CCDC141: variants seen among roughly 807,000 people sequenced by gnomAD.
CCDC141 encodes coiled-coil domain-containing protein 141.
A neutral mutation model predicts 181.0 loss-of-function variants in CCDC141; 168 were observed. That is an observed-to-expected ratio of 0.93 (90% CI 0.82 to 1.05). CCDC141 has a LOEUF of 1.05. Among genes scored for constraint, CCDC141 ranks in the 50% least tolerant of loss-of-function variants. The probability of loss-of-function intolerance (pLI) is 0.00; values close to 1 mark genes in which losing one functional copy is unlikely to be tolerated. For synonymous variants in CCDC141, 666 were observed against 642.3 expected, an observed-to-expected ratio of 1.04 and a Z score of -0.56; for missense variants, 1,902 against 1,788.5, an observed-to-expected ratio of 1.06 and a Z score of -1.14.
intron 5 of CCDC141, among the ~76,000 whole-genome samples, chr2:178,949,447 G>A (rs1283899489): frequency 6.6e-6 from 1 of 152,126 alleles, no homozygotes; most frequent in African/African-American, 2.4e-5. Flanking sequence ...AATTCTTGTA[G>A]GTAGGGACAG....
At chr2:178,958,037 C>A (rs777391479) in intron 5 of CCDC141, among the ~76,000 whole-genome samples, 2 of 152,140 alleles carry the variant, frequency 1.3e-5, no homozygotes, top group Non-Finnish European at 2.9e-5. Flanking sequence ...ATGAAAAACG[C>A]CAATCTGAAA....
intron 9 of CCDC141, among the ~76,000 whole-genome samples, chr2:178,887,557 C>T (rs1338594840): frequency 6.6e-6 from 1 of 152,194 alleles, no homozygotes; most frequent in Non-Finnish European, 1.5e-5. Context: ...AGCTGAGGTC[C>T]TACTGTTCCA....
rs137889822 is a variant in CCDC141 at position 178,976,939 on chromosome 2, T to C, written c.417+1545A>G. ...AATAAATAAACCAATAAGCAAACAA[T>C]GCTTTACTCAGAAAAAGTTTTCCTA... On this transcript the variant is annotated intron_variant, in intron 3 of 23. Transcript: ENST00000443758. Among the ~76,000 whole-genome samples, 26 of 152,276 alleles carry C rather than the reference T, an allele frequency of 1.7e-4. 1 individual carries two copies. The highest frequency in any genetic ancestry group is 6.3e-4 in the African/African-American group (26 of 41,580).
chr2:178,980,305 C>A (rs769138849), intron 2 of CCDC141, among the ~76,000 whole-genome samples: 2 of 152,076 alleles, frequency 1.3e-5, no homozygotes, highest in Non-Finnish European at 2.9e-5. Flanking sequence ...AAAAAATTAG[C>A]TGGGCCTGGT....
At chr2:179,029,644 T>G (rs1482352943) in intron 2 of CCDC141, among the ~76,000 whole-genome samples, 1 of 152,184 alleles carries the variant, frequency 6.6e-6, no homozygotes, top group East Asian at 1.9e-4. Context: ...ATCATGAACA[T>G]TCTAGGAATT....
chr2:178,886,868 C>A lies in CCDC141; in HGVS notation c.1411G>T (p.Glu471Ter). 1 of 1,418,884 alleles carries A rather than the reference C, an allele frequency of 7.0e-7. No individual in the cohort carries two copies. The highest frequency in any genetic ancestry group is 9.2e-7 in the Non-Finnish European group (1 of 1,087,350). The allele number at this position is 1,418,884 out of a possible 1,614,324, so 87.9% of individuals were successfully genotyped here. The stretch of plus-strand genomic sequence containing the variant: ...GGACTGATTTTCTGAATTGACATTT[C>A]CACCTTTAGGAGTGAATAATATATG... ...ASVEGYLRKV[E>*]MSIQKISPVL... The change falls in exon 10 of 24, where the codon GAA (glutamate) becomes TAA (stop). Residue 471 changes from glutamate to a stop codon, truncating the protein, a stop_gained. Transcript: ENST00000443758. LOFTEE classifies it high-confidence loss of function.
chr2:178,818,921 A>T, the CCDC141 span, among the ~76,000 whole-genome samples: 1 of 152,072 alleles, frequency 6.6e-6, no homozygotes, highest in Non-Finnish European at 1.5e-5. Context: ...TGTAAAGGCG[A>T]CTTTTATCAA....
At chr2:178,993,745 T>C (rs2154382656) in intron 2 of CCDC141, among the ~76,000 whole-genome samples, 1 of 152,288 alleles carries the variant, frequency 6.6e-6, no homozygotes, top group South Asian at 2.1e-4. Context: ...CCTATGAGCC[T>C]GTAAAATCAA....
At chr2:178,941,725 G>A (rs1397023665) in intron 6 of CCDC141, among the ~76,000 whole-genome samples, 1 of 151,800 alleles carries the variant, frequency 6.6e-6, no homozygotes, top group East Asian at 1.9e-4. Context: ...GGCTGAGGTG[G>A]GAGGATCACT....
chr2:178,961,074 A>G (rs1229063718), intron 5 of CCDC141, among the ~76,000 whole-genome samples, 156 bp downstream of exon 5: 1 of 150,852 alleles, frequency 6.6e-6, no homozygotes, highest in Non-Finnish European at 1.5e-5. Context: ...TGTTACTTAC[A>G]GGGAAAAACA....
intron 22 of CCDC141, among the ~76,000 whole-genome samples, chr2:178,840,658 G>C (rs577069724): frequency 6.6e-6 from 1 of 152,240 alleles, no homozygotes; most frequent in South Asian, 2.1e-4. Context: ...GCACCCAAGT[G>C]GACTGGGTAC....
At chr2:178,869,378 G>A in intron 14 of CCDC141, 73 bp from the exon 15 acceptor site, 1 of 1,054,590 alleles carries the variant, frequency 9.5e-7, no homozygotes, top group Non-Finnish European at 1.3e-6. Context: ...CAATATAAAG[G>A]TCTAAACAAT....
chr2:178,968,107 A>G (rs1332366725), intron 4 of CCDC141, among the ~76,000 whole-genome samples: 5 of 152,096 alleles, frequency 3.3e-5, no homozygotes. Context: ...GAGACCTACA[A>G]AGAGACTTAG....
intron 17 of CCDC141, among the ~76,000 whole-genome samples, chr2:178,859,830 G>T (rs1039038555): frequency 6.6e-6 from 1 of 152,170 alleles, no homozygotes; most frequent in African/African-American, 2.4e-5. Flanking sequence ...AATAAACAAA[G>T]CTTCTTTGGA....
chr2:178,918,956 C>T (rs1041926453), intron 6 of CCDC141, 49 bp from the exon 7 acceptor site: 14 of 1,468,682 alleles, frequency 9.5e-6, no homozygotes, highest in Middle Eastern at 1.7e-4. Context: ...TGTTATGGAC[C>T]GAATGCTTGT....
chr2:179,000,052 C>CCACACACA (rs1323553955), intron 2 of CCDC141, among the ~76,000 whole-genome samples: 1 of 92,450 alleles, frequency 1.1e-5, no homozygotes, highest in South Asian at 3.5e-4. Context: ...AGATTCATCA[C>CCACACACA]CATACACACA....
chr2:178,817,895 C>T, the CCDC141 span, among the ~76,000 whole-genome samples: 1 of 147,556 alleles, frequency 6.8e-6, no homozygotes, highest in East Asian at 2.2e-4. Flanking sequence ...CTGTTCCTCC[C>T]AGATTCAAGT....
chr2:178,824,823 T>C (rs771016787), downstream of CCDC141, among the ~76,000 whole-genome samples: 2 of 152,082 alleles, frequency 1.3e-5, no homozygotes, highest in African/African-American at 2.4e-5. Context: ...ACAAAACCTA[T>C]AATAGGTACT....
intron 2 of CCDC141, among the ~76,000 whole-genome samples, chr2:179,015,330 T>C (rs1226958270): frequency 7.0e-6 from 1 of 143,398 alleles, no homozygotes; most frequent in Non-Finnish European, 1.5e-5. Context: ...ATATGTATCA[T>C]ACATATCTCA....
Sources: allele counts gnomAD v4.1 joint callset (sites outside exome capture counted in the v4.1 genomes callset), GRCh38; gene constraint gnomAD v4.1.1; transcripts MANE v1.5; gene names NCBI Gene and HGNC (gene_info 2026-07-23, HGNC 2026-07-21).